Variants in EXOC5 observed in about 807,000 individuals in gnomAD.
EXOC5 encodes exocyst complex component 5, also known as SEC10-like 1.
A neutral mutation model predicts 90.8 loss-of-function variants in EXOC5; 17 were observed. That is an observed-to-expected ratio of 0.19 (90% CI 0.13 to 0.28). The LOEUF is 0.28. Ranked by LOEUF, EXOC5 falls within the 10% of genes least tolerant of loss-of-function variation. The pLI, the probability that EXOC5 is intolerant of heterozygous loss-of-function variation, is 1.00. For missense variants in EXOC5, 569 were observed against 830.6 expected, an observed-to-expected ratio of 0.69 and a Z score of 3.87; for synonymous variants, 260 against 270.0, an observed-to-expected ratio of 0.96 and a Z score of 0.36.
intron 4 of EXOC5, among the ~76,000 whole-genome samples, chr14:57,240,927 A>C (rs1458595591): frequency 6.6e-6 from 1 of 152,044 alleles, no homozygotes; most frequent in Non-Finnish European, 1.5e-5. Context: ...ATCTTGGCTC[A>C]CTACAATCTC....
intron 1 of EXOC5, among the ~76,000 whole-genome samples, chr14:57,250,193 G>A (rs1298433597): frequency 6.6e-6 from 1 of 152,110 alleles, no homozygotes; most frequent in East Asian, 1.9e-4. Flanking sequence ...TCTAAGCACA[G>A]GGAACACTCT....
chr14:57,262,538 A>ATGTGTGTGTG (rs55879618), intron 1 of EXOC5, among the ~76,000 whole-genome samples: 1 of 143,840 alleles, frequency 7.0e-6, no homozygotes, highest in Non-Finnish European at 1.5e-5. Flanking sequence ...GTAAATACAT[A>ATGTGTGTGTG]TGTGTGTGTG....
rs114289523 is a variant in EXOC5, at chr14:57,241,527, T to C, written c.466-1868A>G. On this transcript the variant is annotated intron_variant, in intron 4 of 17. Transcript: ENST00000621441. ...TTCTTTTAAGAAGTCATCATCATCATTGTGCTATTGCAAACTTTGTTTAAT... is the reference window on the plus strand; with the variant it reads ...TTCTTTTAAGAAGTCATCATCATCACTGTGCTATTGCAAACTTTGTTTAAT... Among the ~76,000 whole-genome samples, 380 of 152,318 alleles carry C rather than the reference T, an allele frequency of 2.5e-3. 1 individual carries two copies. The highest frequency in any genetic ancestry group is 8.8e-3 in the African/African-American group (364 of 41,588).
chr14:57,210,320 G>A (rs1882789328), intron 15 of EXOC5, among the ~76,000 whole-genome samples: 1 of 152,110 alleles, frequency 6.6e-6, no homozygotes, highest in African/African-American at 2.4e-5. Flanking sequence ...AAAGATCTCA[G>A]AAGTCTGTCA....
chr14:57,226,150 C>A (rs1566728801), intron 12 of EXOC5, among the ~76,000 whole-genome samples: 2 of 152,096 alleles, frequency 1.3e-5, no homozygotes, highest in Non-Finnish European at 2.9e-5. Context: ...TTTACATTGC[C>A]AAGGTGAAAT....
At chr14:57,231,804 T>C in intron 10 of EXOC5, 89 bp from the exon 11 acceptor site, 1 of 854,420 alleles carries the variant, frequency 1.2e-6, no homozygotes, top group East Asian at 2.6e-5. Flanking sequence ...CAACGTGACT[T>C]TCATGACTTA....
chr14:57,266,782 T>C (rs1229778177), intron 1 of EXOC5, among the ~76,000 whole-genome samples: 2 of 150,284 alleles, frequency 1.3e-5, no homozygotes, highest in African/African-American at 4.9e-5. Context: ...CTTAACCTAA[T>C]AGCAGGACCC....
At chr14:57,234,271 A>G (rs981593766) in intron 7 of EXOC5, among the ~76,000 whole-genome samples, 5 of 151,894 alleles carry the variant, frequency 3.3e-5, no homozygotes, top group Non-Finnish European at 5.9e-5. Context: ...GTTGAACTTT[A>G]GACTAAAACA....
chr14:57,218,058 TAGG>T lies in EXOC5; in HGVS notation c.1534_1536del (p.Pro512del), dbSNP rs1345482590. The T allele has an allele frequency of 2.7e-6, 4 of 1,468,626 alleles. No homozygotes were observed. Among genetic ancestry groups the T allele is most frequent in the Non-Finnish European group, 3.8e-6 (4 of 1,050,914 alleles). 91.0% of individuals were successfully genotyped at this position (1,468,626 alleles called of 1,614,324 possible). A position where few individuals can be genotyped will look rare whatever the true frequency, so the allele number is the denominator to read the frequency against. On this transcript the variant is annotated inframe_deletion, in exon 15 of 18. Transcript: ENST00000621441. ...TTCTTCTGAAGGCATTCAGATAACTTAGGAGAAGAGCTATTGTATATTTAAAAT... is the reference window on the plus strand; with the variant it reads ...TTCTTCTGAAGGCATTCAGATAACTTAGAAGAGCTATTGTATATTTAAAAT...
chr14:57,212,393 G>A (rs1287128522), intron 15 of EXOC5, among the ~76,000 whole-genome samples: 1 of 152,158 alleles, frequency 6.6e-6, no homozygotes. Flanking sequence ...CTTTTTGTTA[G>A]CATAACGGTG....
intron 12 of EXOC5, among the ~76,000 whole-genome samples, chr14:57,224,395 AC>A (rs1424097201): frequency 8.5e-5 from 13 of 152,212 alleles, no homozygotes; most frequent in South Asian, 2.1e-4. Context: ...TGGTGACATC[AC>A]TGTACGCATT....
rs1882491601 is a variant in EXOC5 at position 57,201,318 on chromosome 14, G to C, written c.*7291C>G. 1 of 151,596 alleles carries C rather than the reference G, an allele frequency of 6.6e-6. No homozygotes were observed. The highest frequency in any genetic ancestry group is 1.5e-5 in the Non-Finnish European group (1 of 67,920). 9.4% of individuals were successfully genotyped at this position (151,596 alleles called of 1,614,324 possible). On this transcript the variant is annotated 3_prime_UTR_variant, in exon 18 of 18. Coordinates refer to ENST00000621441, the MANE Select transcript of EXOC5 (RefSeq NM_006544.4). The stretch of plus-strand genomic sequence containing the variant: ...GAGACAACCTGAAGAGGCTACTTCT[G>C]ACCAAATTTGGGATAATTTGAGATT...
chr14:57,268,590 C>T (rs1174754556), intron 1 of EXOC5, 32 bp downstream of exon 1: 1 of 1,581,860 alleles, frequency 6.3e-7, no homozygotes, highest in Non-Finnish European at 8.6e-7. Flanking sequence ...AACCCCGGGC[C>T]TGCCACTCCC....
intron 15 of EXOC5, among the ~76,000 whole-genome samples, chr14:57,213,389 ATT>A (rs565177994): frequency 6.6e-6 from 1 of 150,976 alleles, no homozygotes; most frequent in Admixed American, 6.6e-5. Context: ...CTCTAAACAA[ATT>A]TTTTTTTATT....
chr14:57,212,395 A>G (rs182045995), intron 15 of EXOC5, among the ~76,000 whole-genome samples: 2 of 152,354 alleles, frequency 1.3e-5, no homozygotes, highest in East Asian at 3.9e-4. Flanking sequence ...TTTTGTTAGC[A>G]TAACGGTGGA....
intron 14 of EXOC5, among the ~76,000 whole-genome samples, chr14:57,219,080 T>A (rs1379241982): frequency 2.0e-5 from 3 of 152,026 alleles, no homozygotes; most frequent in African/African-American, 4.8e-5. Flanking sequence ...TGTGACAGAT[T>A]AAATCTTTTG....
At chr14:57,247,475 C>T (rs1353552110) in intron 2 of EXOC5, 143 bp downstream of exon 2, 1 of 427,372 alleles carries the variant, frequency 2.3e-6, no homozygotes, top group African/African-American at 2.1e-5. Flanking sequence ...ACTTTTAATG[C>T]TCTGTTGTAT....
intron 1 of EXOC5, among the ~76,000 whole-genome samples, chr14:57,258,482 G>C (rs1407979052): frequency 6.6e-6 from 1 of 152,164 alleles, no homozygotes; most frequent in East Asian, 1.9e-4. Context: ...TCACTCATAA[G>C]TGGAAGCTGA....
intron 1 of EXOC5, among the ~76,000 whole-genome samples, chr14:57,265,531 T>C (rs1315246808): frequency 1.3e-5 from 2 of 152,090 alleles, no homozygotes; most frequent in East Asian, 1.9e-4. Flanking sequence ...AAGACCAGCC[T>C]GGGCAACATG....
Sources: gnomAD v4.1 joint callset for allele counts (sites outside exome capture counted in the v4.1 genomes callset) on GRCh38, gnomAD v4.1.1 for gene constraint, MANE v1.5 for transcripts, NCBI Gene and HGNC (gene_info 2026-07-23, HGNC 2026-07-21) for gene names.